LDB2: variants seen among roughly 807,000 people sequenced by gnomAD.
LDB2 encodes LIM domain binding 2, also known as LIM domain-binding protein 2.
In LDB2, 12 loss-of-function variants were observed where a neutral mutation model predicts 44.3. The ratio of observed to expected loss-of-function variants is 0.27; its 90% CI spans 0.17 to 0.44. The LOEUF (loss-of-function observed/expected upper bound fraction) is 0.44. Among genes scored for constraint, LDB2 ranks in the 20% least tolerant of loss-of-function variants. The pLI is 1.00. For missense variants in LDB2, 344 were observed against 473.5 expected (o/e 0.73, Z 2.54); for synonymous variants, 164 against 174.8 (o/e 0.94, Z 0.49).
intron 1 of LDB2, among the ~76,000 whole-genome samples, chr4:16,785,308 C>T (rs1379972659): frequency 1.3e-5 from 2 of 152,086 alleles, no homozygotes; most frequent in East Asian, 3.9e-4. Context: ...AGGCACCAAC[C>T]AATGCCAGCC....
chr4:16,679,750 A>C (rs951442013), intron 2 of LDB2, among the ~76,000 whole-genome samples: 4 of 152,080 alleles, frequency 2.6e-5, no homozygotes, highest in African/African-American at 7.2e-5. Context: ...GTAAAGGAGG[A>C]GCTGATGTGA....
intron 2 of LDB2, among the ~76,000 whole-genome samples, chr4:16,681,865 C>A (rs954824570): frequency 6.6e-6 from 1 of 151,942 alleles, no homozygotes; most frequent in African/African-American, 2.4e-5. Flanking sequence ...GCGACTGTGC[C>A]CGGCCTCTAT....
chr4:16,604,579 G>C (rs550873150), intron 2 of LDB2, among the ~76,000 whole-genome samples: 81 of 150,890 alleles, frequency 5.4e-4, no homozygotes, highest in African/African-American at 1.8e-3. Context: ...TAAATAATGA[G>C]GGAAGTAGCG....
intron 2 of LDB2, among the ~76,000 whole-genome samples, chr4:16,739,168 G>A (rs1165649560): frequency 6.6e-6 from 1 of 151,912 alleles, no homozygotes; most frequent in Non-Finnish European, 1.5e-5. Flanking sequence ...TGACCACCCT[G>A]TCAGTTTCTG....
chr4:16,881,597 T>C (rs913535008), intron 1 of LDB2, among the ~76,000 whole-genome samples: 1 of 132,584 alleles, frequency 7.5e-6, no homozygotes, highest in African/African-American at 3.0e-5. Flanking sequence ...GAGGGGAATT[T>C]GGGCCTTTTT....
chr4:16,680,317 C>T (rs181297234), intron 2 of LDB2, among the ~76,000 whole-genome samples: 5 of 151,616 alleles, frequency 3.3e-5, no homozygotes, highest in African/African-American at 1.2e-4. Flanking sequence ...AACGAAGACA[C>T]CTTTCTCCTG....
At chr4:16,773,277 G>A (rs1426840854) in intron 1 of LDB2, among the ~76,000 whole-genome samples, 1 of 152,086 alleles carries the variant, frequency 6.6e-6, no homozygotes, top group Non-Finnish European at 1.5e-5. Context: ...GACACTCTGG[G>A]GGACGGTTTC....
intron 5 of LDB2, among the ~76,000 whole-genome samples, chr4:16,569,845 A>G (rs1175498796): frequency 6.6e-6 from 1 of 152,198 alleles, no homozygotes; most frequent in East Asian, 1.9e-4. Flanking sequence ...CTTATTTTAC[A>G]GATAAGGAAG....
intron 7 of LDB2, among the ~76,000 whole-genome samples, chr4:16,503,712 C>T (rs748711281): frequency 3.9e-4 from 59 of 152,102 alleles, no homozygotes; most frequent in Non-Finnish European, 7.4e-5. Flanking sequence ...AGATGAAGAA[C>T]GCTAATTATA....
At chr4:16,617,808 A>G (rs1727745131) in intron 2 of LDB2, among the ~76,000 whole-genome samples, 1 of 152,164 alleles carries the variant, frequency 6.6e-6, no homozygotes, top group Non-Finnish European at 1.5e-5. Flanking sequence ...GCATAGGAAG[A>G]TTTTTTCTAC....
rs80088120 is a variant in LDB2 at position 16,547,403 on chromosome 4, G to A, written c.616-35299C>T. ...CCATGAGGTGTGGTAATTTGTTACA[G>A]TGGCTGTAGGAAATGGATATATTCA... On this transcript the variant is annotated intron_variant, in intron 5 of 7. Coordinates refer to ENST00000304523, the MANE Select transcript of LDB2 (RefSeq NM_001290.5). Among the ~76,000 whole-genome samples, 117 of 152,324 alleles carry A rather than the reference G, an allele frequency of 7.7e-4. 2 individuals carry two copies. In the East Asian group the frequency reaches 0.02, roughly 27 times the overall value.
intron 2 of LDB2, among the ~76,000 whole-genome samples, chr4:16,646,279 T>C (rs1736774766): frequency 6.6e-6 from 1 of 152,246 alleles, no homozygotes; most frequent in African/African-American, 2.4e-5. Context: ...TCTATTTCTC[T>C]GCTTGTTATC....
intron 1 of LDB2, among the ~76,000 whole-genome samples, chr4:16,808,152 A>C (rs573011690): frequency 6.6e-6 from 1 of 152,324 alleles, no homozygotes; most frequent in South Asian, 2.1e-4. Flanking sequence ...ATAATCTTAC[A>C]GTGGACGTCT....
At chr4:16,542,473 T>G (rs912893887) in intron 5 of LDB2, among the ~76,000 whole-genome samples, 1 of 152,110 alleles carries the variant, frequency 6.6e-6, no homozygotes, top group South Asian at 2.1e-4. Flanking sequence ...AACCTTCCCA[T>G]AGGCCGGAGG....
At chr4:16,727,415 C>G (rs191473485) in intron 2 of LDB2, among the ~76,000 whole-genome samples, 1 of 152,252 alleles carries the variant, frequency 6.6e-6, no homozygotes, top group East Asian at 1.9e-4. Context: ...GCACCCTGCT[C>G]CAGGAACTGG....
chr4:16,800,722 T>C (rs1777638130), intron 1 of LDB2, among the ~76,000 whole-genome samples: 2 of 152,232 alleles, frequency 1.3e-5, no homozygotes, highest in African/African-American at 2.4e-5. Context: ...TCGCCCAGGC[T>C]GGAGTGCAGT....
chr4:16,548,019 C>T (rs748145936), intron 5 of LDB2, among the ~76,000 whole-genome samples: 10 of 151,392 alleles, frequency 6.6e-5, no homozygotes, highest in Admixed American at 2.6e-4. Flanking sequence ...AGTGCAGTGG[C>T]GTCATCTTGG....
chr4:16,831,232 C>A (rs1348485530), intron 1 of LDB2, among the ~76,000 whole-genome samples: 1 of 125,910 alleles, frequency 7.9e-6, no homozygotes, highest in Admixed American at 9.1e-5. Flanking sequence ...GACTGAACTT[C>A]TTTTAGGAGT....
chr4:16,577,882 A>G (rs1038935990), intron 5 of LDB2, among the ~76,000 whole-genome samples: 20 of 152,194 alleles, frequency 1.3e-4, no homozygotes, highest in Admixed American at 6.5e-5. Flanking sequence ...AACCAGTGGA[A>G]CAGAATAGAG....
Sources: gnomAD v4.1 joint callset for allele counts (sites outside exome capture counted in the v4.1 genomes callset) on GRCh38, gnomAD v4.1.1 for gene constraint, MANE v1.5 for transcripts, NCBI Gene and HGNC (gene_info 2026-07-23, HGNC 2026-07-21) for gene names.